Variants in DPP6 observed in about 807,000 individuals in gnomAD.
DPP6 encodes A-type potassium channel modulatory protein DPP6.
A neutral mutation model predicts 122.6 loss-of-function variants in DPP6; 69 were observed. The observed-to-expected ratio is 0.56, with a 90% CI of 0.46 to 0.69. The LOEUF (loss-of-function observed/expected upper bound fraction) is 0.69. DPP6 is among the 30% of genes least tolerant of loss of function. The probability of loss-of-function intolerance (pLI) is 0.00; values close to 1 mark genes in which losing one functional copy is unlikely to be tolerated. For synonymous variants in DPP6, 418 were observed against 433.1 expected (o/e 0.97, Z 0.43); for missense variants, 928 against 1,116.9 (o/e 0.83, Z 2.41).
At chr7:153,772,950 TATA>T in the DPP6 span, among the ~76,000 whole-genome samples, 39 of 129,484 alleles carry the variant, frequency 3.0e-4, no homozygotes, top group Middle Eastern at 4.0e-3. Flanking sequence ...TTATATATTA[TATA>T]ATAATATATA....
In DPP6 at chr7:154,020,676, C is replaced by T. The variant is rs528460239; in HGVS notation, c.51+132942C>T. Among the ~76,000 whole-genome samples the T allele has an allele frequency of 3.1e-3, 478 of 152,312 alleles. 4 individuals carry two copies. Among genetic ancestry groups the T allele is most frequent in the African/African-American group, 9.9e-3 (412 of 41,568 alleles). On this transcript the variant is annotated intron_variant, in intron 1 of 25. Coordinates refer to the DPP6 transcript ENST00000404039. ...AGTGAATTTAAATAGCCTCTGACCT[C>T]AGTGAGCTCAAATTCTCACTGTGGA... is the stretch of plus-strand genomic sequence containing the variant.
At chr7:154,436,347 ACT>A (rs1818865366) in intron 1 of DPP6, among the ~76,000 whole-genome samples, 1 of 150,862 alleles carries the variant, frequency 6.6e-6, no homozygotes. Flanking sequence ...ATACTCTTCA[ACT>A]CTCAGCTCAA....
At chr7:154,153,756 G>A (rs1473124541) in intron 1 of DPP6, among the ~76,000 whole-genome samples, 1 of 152,250 alleles carries the variant, frequency 6.6e-6, no homozygotes, top group East Asian at 1.9e-4. Flanking sequence ...TTTACTTGAA[G>A]CAATAGTCAA....
intron 1 of DPP6, among the ~76,000 whole-genome samples, chr7:153,942,991 C>G (rs1250708645): frequency 1.3e-5 from 2 of 152,126 alleles, no homozygotes; most frequent in Admixed American, 1.3e-4. Context: ...TCAGCTGGCC[C>G]CAGCGACACT....
intron 6 of DPP6, among the ~76,000 whole-genome samples, chr7:154,660,227 G>A (rs916614723): frequency 2.0e-4 from 30 of 148,588 alleles, no homozygotes; most frequent in Non-Finnish European, 3.7e-4. Context: ...CATATTGGCC[G>A]TAGTGTTCAT....
chr7:154,427,461 G>A (rs1381346917), intron 1 of DPP6, among the ~76,000 whole-genome samples: 2 of 152,162 alleles, frequency 1.3e-5, no homozygotes, highest in Non-Finnish European at 2.9e-5. Context: ...AAAGTACAGT[G>A]ATTTGAAAAT....
chr7:154,522,018 G>A (rs746620159), intron 3 of DPP6, among the ~76,000 whole-genome samples: 1 of 151,950 alleles, frequency 6.6e-6, no homozygotes, highest in Non-Finnish European at 1.5e-5. Context: ...AGGCTGGAGT[G>A]CAGTGGCGCG....
intron 4 of DPP6, among the ~76,000 whole-genome samples, chr7:154,560,125 C>CAG (rs1830326348): frequency 6.6e-6 from 1 of 151,804 alleles, no homozygotes; most frequent in South Asian, 2.1e-4. Context: ...ATCTACATGA[C>CAG]AGAAGGAGGT....
intron 1 of DPP6, among the ~76,000 whole-genome samples, chr7:154,233,112 G>C (rs1801008875): frequency 6.6e-6 from 1 of 151,746 alleles, no homozygotes. Flanking sequence ...TGTGTAGATA[G>C]TAAGTCTTAC....
chr7:154,476,351 A>G (rs1822734914), intron 3 of DPP6, among the ~76,000 whole-genome samples: 1 of 152,208 alleles, frequency 6.6e-6, no homozygotes, highest in Non-Finnish European at 1.5e-5. Context: ...GGAGGAATTG[A>G]CTTTGCCTTT....
intron 1 of DPP6, among the ~76,000 whole-genome samples, chr7:153,995,588 C>CAAAAAAAA (rs55905154): frequency 1.0e-4 from 9 of 88,902 alleles, no homozygotes; most frequent in Admixed American, 1.5e-4. Context: ...GACTCCGTCT[C>CAAAAAAAA]AAAAAAAAAA....
intron 7 of DPP6, among the ~76,000 whole-genome samples, chr7:154,706,505 G>T (rs1840837767): frequency 6.6e-6 from 1 of 152,306 alleles, no homozygotes; most frequent in South Asian, 2.1e-4. Flanking sequence ...AGCCCCTGGA[G>T]GCTCAGTGAC....
the DPP6 span, among the ~76,000 whole-genome samples, chr7:153,788,410 G>T: frequency 6.6e-6 from 1 of 152,186 alleles, no homozygotes; most frequent in Admixed American, 6.5e-5. Flanking sequence ...GAAAGAGTTA[G>T]ATAAAAAGAA....
At chr7:154,264,178 A>G (rs767161912) in intron 1 of DPP6, among the ~76,000 whole-genome samples, 1 of 152,178 alleles carries the variant, frequency 6.6e-6, no homozygotes, top group Non-Finnish European at 1.5e-5. Flanking sequence ...TTTTATTCAC[A>G]TATATTTGCA....
At chr7:154,735,799 C>G (rs887667158) in intron 8 of DPP6, among the ~76,000 whole-genome samples, 1 of 152,222 alleles carries the variant, frequency 6.6e-6, no homozygotes, top group Non-Finnish European at 1.5e-5. Flanking sequence ...CAAGGATCAA[C>G]AGGAAAACAG....
At chr7:153,861,557 A>G in the DPP6 span, among the ~76,000 whole-genome samples, 1 of 152,234 alleles carries the variant, frequency 6.6e-6, no homozygotes. Flanking sequence ...AGTAATGTCC[A>G]TGTCCTGAAG....
chr7:154,106,173 C>A (rs1277283813), intron 1 of DPP6, among the ~76,000 whole-genome samples: 7 of 146,960 alleles, frequency 4.8e-5, no homozygotes, highest in Non-Finnish European at 1.0e-4. Context: ...ATCTTGAGTT[C>A]CCCCAGGCTC....
chr7:154,528,358 T>G (rs1348079460), intron 3 of DPP6, among the ~76,000 whole-genome samples: 1 of 152,198 alleles, frequency 6.6e-6, no homozygotes, highest in Non-Finnish European at 1.5e-5. Context: ...GATAATTGAA[T>G]CTCATAAAGA....
chr7:154,295,073 AG>A (rs1356774275), intron 1 of DPP6, among the ~76,000 whole-genome samples: 1 of 152,224 alleles, frequency 6.6e-6, no homozygotes, highest in African/African-American at 2.4e-5. Context: ...GATGCATTCA[AG>A]GATGTGAAGT....
Sources: gnomAD v4.1 joint callset for allele counts (sites outside exome capture counted in the v4.1 genomes callset) on GRCh38, gnomAD v4.1.1 for gene constraint, MANE v1.5 for transcripts, NCBI Gene and HGNC (gene_info 2026-07-23, HGNC 2026-07-21) for gene names.